The following NBEA variants were observed in gnomAD, a reference collection of about 807,000 sequenced individuals.
NBEA encodes lysosomal-trafficking regulator 2.
In NBEA, 44 loss-of-function variants were observed where a neutral mutation model predicts 343.4. That is an observed-to-expected ratio of 0.13 (90% confidence interval 0.10 to 0.16). NBEA has a LOEUF of 0.16. Among genes scored for constraint, NBEA ranks in the 10% least tolerant of loss-of-function variants. The pLI is 1.00. For missense variants in NBEA, 2,555 were observed against 3,631.3 expected (o/e 0.70, Z 7.62); for synonymous variants, 1,175 against 1,238.7 (o/e 0.95, Z 1.08).
Position 35,177,070 on chromosome 13 carries a change from C to A in NBEA, c.4629C>A (p.Ile1543=). 1.9e-6 allele frequency: 3 copies of A among 1,603,362 alleles called. No homozygotes were observed. Among genetic ancestry groups the A allele is most frequent in the Non-Finnish European group, 2.6e-6 (3 of 1,174,044 alleles). Residue 1543 remains isoleucine, a synonymous_variant, in exon 28 of 59, where the codon ATC becomes ATA. Coordinates refer to ENST00000379939, the MANE Select transcript of NBEA (RefSeq NM_001385012.1). The stretch of plus-strand genomic sequence containing the variant: ...ATAGACTTCTTCAGGATGTTGATAT[C>A]AATCGCCTTCGTGCTGTTGTCTTTC... ...DPDRLLQDVD[I]NRLRAVVFRD...
At chr13:35,635,000 G>A (rs918052007) in intron 49 of NBEA, among the ~76,000 whole-genome samples, 2 of 148,594 alleles carry the variant, frequency 1.3e-5, no homozygotes, top group Non-Finnish European at 2.9e-5. Context: ...GAAGATAGAT[G>A]TGTCTTTAAC....
intron 33 of NBEA, among the ~76,000 whole-genome samples, chr13:35,216,584 TGTA>T (rs2074078767): frequency 6.6e-6 from 1 of 151,990 alleles, no homozygotes. Flanking sequence ...ATTGTACAAA[TGTA>T]GTATTTTTTA....
intron 4 of NBEA, 40 bp downstream of exon 4, chr13:35,045,441 T>G: frequency 6.9e-7 from 1 of 1,458,774 alleles, no homozygotes; most frequent in Non-Finnish European, 9.4e-7. Context: ...ATTTATTTAT[T>G]TTTAGGTCAC....
At position 35,642,584 on chromosome 13, in the gene NBEA, A is replaced by G. The variant is rs370998454; in HGVS notation, c.7618-3285A>G. ...TATTTTAAAAGGATTCACAAGCCCC[A>G]AAGCATATAAGAACCAGACAGGGAA... On this transcript the variant is annotated intron_variant, in intron 49 of 58. Transcript: ENST00000379939. Among the ~76,000 whole-genome samples, 5 of 152,340 alleles carry G rather than the reference A, an allele frequency of 3.3e-5. No homozygotes were observed. The East Asian group carries it at 5.8e-4, about 18-fold the overall frequency.
At chr13:35,653,073 T>C (rs2084636104) in intron 53 of NBEA, among the ~76,000 whole-genome samples, 1 of 152,156 alleles carries the variant, frequency 6.6e-6, no homozygotes, top group African/African-American at 2.4e-5. Flanking sequence ...TGCAAACTGA[T>C]GAGCTATAAC....
intron 1 of NBEA, among the ~76,000 whole-genome samples, chr13:34,964,005 G>A (rs1002923973): frequency 5.9e-5 from 9 of 151,886 alleles, no homozygotes; most frequent in Non-Finnish European, 1.0e-4. Context: ...GGAACTAAAG[G>A]TTAAAGAAAG....
intron 38 of NBEA, among the ~76,000 whole-genome samples, chr13:35,384,817 C>T (rs1171839696): frequency 3.9e-5 from 6 of 152,068 alleles, no homozygotes; most frequent in African/African-American, 9.7e-5. Context: ...TGAGCCACCG[C>T]GCCCGGCCTG....
At chr13:35,415,950 A>G (rs998143897) in intron 38 of NBEA, among the ~76,000 whole-genome samples, 5 of 152,238 alleles carry the variant, frequency 3.3e-5, no homozygotes, top group Non-Finnish European at 7.4e-5. Context: ...GATCCTTCAC[A>G]TCCCTTGTAA....
intron 31 of NBEA, among the ~76,000 whole-genome samples, chr13:35,208,400 A>G (rs1192430431): frequency 6.6e-6 from 1 of 152,132 alleles, no homozygotes; most frequent in Non-Finnish European, 1.5e-5. Flanking sequence ...TAACTTTAGC[A>G]CAAATTTCTT....
At position 35,165,147 on chromosome 13, in the gene NBEA, C is replaced by T. The variant is rs766054313; in HGVS notation, c.4233+638C>T. On this transcript the variant is annotated intron_variant, in intron 24 of 58. Transcript: ENST00000379939. ...CTTAAGCTCAGAAAGCATACCTTTG[C>T]CAGAGGGAAATATTTCATTTTACTA... The T allele has an allele frequency of 5.6e-6, 3 of 532,464 alleles. No individual in the cohort carries two copies. In the Admixed American group the frequency reaches 5.9e-5, roughly 10 times the overall value. The allele number at this position is 532,464 out of a possible 1,614,324, so 33.0% of individuals were successfully genotyped here.
chr13:35,476,726 C>T, intron 41 of NBEA: 2 of 1,060,138 alleles, frequency 1.9e-6, no homozygotes. Context: ...ATTATAAAGG[C>T]AGGGCCAGGC....
intron 39 of NBEA, among the ~76,000 whole-genome samples, chr13:35,448,680 A>T (rs1304550061): frequency 6.6e-6 from 1 of 152,204 alleles, no homozygotes; most frequent in African/African-American, 2.4e-5. Context: ...TCTATAAATT[A>T]TGCAGTAGCA....
At chr13:35,406,427 C>T (rs545613577) in intron 38 of NBEA, among the ~76,000 whole-genome samples, 1 of 151,908 alleles carries the variant, frequency 6.6e-6, no homozygotes, top group African/African-American at 2.4e-5. Context: ...GTACACTGTA[C>T]CCAATTTGTA....
At chr13:35,120,293 A>T (rs2066726033) in intron 16 of NBEA, among the ~76,000 whole-genome samples, 1 of 152,184 alleles carries the variant, frequency 6.6e-6, no homozygotes, top group African/African-American at 2.4e-5. Flanking sequence ...AGCACAACAG[A>T]TTAAAAGGCC....
intron 22 of NBEA, among the ~76,000 whole-genome samples, chr13:35,161,325 T>G (rs2069543571): frequency 6.6e-6 from 1 of 152,210 alleles, no homozygotes; most frequent in South Asian, 2.1e-4. Flanking sequence ...CAAAGTTAAC[T>G]TGAAACTGTC....
chr13:35,262,002 T>C (rs2152798771), intron 34 of NBEA, among the ~76,000 whole-genome samples: 1 of 152,338 alleles, frequency 6.6e-6, no homozygotes, highest in African/African-American at 2.4e-5. Flanking sequence ...GCTAGTTCAC[T>C]TAACAGTGAC....
chr13:35,639,692 T>C (rs992879625), intron 49 of NBEA, among the ~76,000 whole-genome samples: 21 of 152,312 alleles, frequency 1.4e-4, no homozygotes, highest in Non-Finnish European at 3.1e-4. Flanking sequence ...CTTTTACTAC[T>C]TTTTTCTTGA....
chr13:35,179,705 A>T (rs1308230244), intron 28 of NBEA: 2 of 882,926 alleles, frequency 2.3e-6, no homozygotes, highest in Non-Finnish European at 2.7e-6. Flanking sequence ...ATGCCTTCTG[A>T]TTGCCTGGTA....
intron 1 of NBEA, among the ~76,000 whole-genome samples, chr13:34,978,823 C>T (rs1426282938): frequency 6.6e-6 from 1 of 152,106 alleles, no homozygotes; most frequent in Non-Finnish European, 1.5e-5. Context: ...GAGTTGTGGA[C>T]CATTGTATAA....
Sources: allele counts gnomAD v4.1 joint callset (sites outside exome capture counted in the v4.1 genomes callset), GRCh38; gene constraint gnomAD v4.1.1; transcripts MANE v1.5; gene names NCBI Gene and HGNC (gene_info 2026-07-23, HGNC 2026-07-21).